TTLL11: variants seen among roughly 807,000 people sequenced by gnomAD.
TTLL11 encodes the protein tubulin polyglutamylase TTLL11.
In TTLL11, 42 loss-of-function variants were observed where a neutral mutation model predicts 51.7. The observed-to-expected ratio is 0.81, with a 90% CI of 0.64 to 1.05. The LOEUF is 1.05. Among genes scored for constraint, TTLL11 ranks in the 50% least tolerant of loss-of-function variants. The pLI, the probability that TTLL11 is intolerant of heterozygous loss-of-function variation, is 0.00. For synonymous variants in TTLL11, 381 were observed against 383.5 expected (o/e 0.99, Z 0.08); for missense variants, 799 against 940.4 (o/e 0.85, Z 1.97).
At chr9:121,956,309 T>C (rs1355568383) in intron 6 of TTLL11, among the ~76,000 whole-genome samples, 6 of 152,234 alleles carry the variant, frequency 3.9e-5, no homozygotes. Flanking sequence ...GATGGTGTGA[T>C]TGTTCCCTAA....
At chr9:121,828,782 T>C (rs751017103) in intron 8 of TTLL11, among the ~76,000 whole-genome samples, 1 of 152,078 alleles carries the variant, frequency 6.6e-6, no homozygotes, top group African/African-American at 2.4e-5. Flanking sequence ...AGTTTAGTAA[T>C]TGACTTCATG....
In TTLL11 at chr9:121,870,739, C is replaced by T. The variant is rs16911064; in HGVS notation, c.1491G>A (p.Gln497=). Residue 497 remains glutamine, a synonymous_variant, in exon 7 of 9, where the codon CAG becomes CAA. Transcript: ENST00000321582. ...LKKKRENQSQ[Q]LEKPFAGKED... is the part of the protein sequence containing the mutation. ...CCTTTCCAGCGAATGGTTTTTCAAG[C>T]TGCTGAGACCTGAAGCACACAAAGA... is the stretch of plus-strand genomic sequence containing the variant. The T allele has an allele frequency of 3.4e-3, 5,214 of 1,544,876 alleles. 120 individuals carry two copies. In the African/African-American group the frequency reaches 0.061, roughly 18 times the overall value.
intron 6 of TTLL11, among the ~76,000 whole-genome samples, chr9:121,955,173 G>A (rs193044712): frequency 2.2e-4 from 33 of 152,260 alleles, no homozygotes; most frequent in Admixed American, 1.9e-3. Context: ...TATTTAATAC[G>A]AGCACCGTTG....
In TTLL11 at chr9:121,816,687, TC is replaced by T. The variant is rs1206734504; in HGVS notation, c.*5899del. ...GTGTGCGTGTGTGCATGCGTGTGCA[TC>T]GTGTGTGCGTGCGTGTGTGTGCATG... On this transcript the variant is annotated 3_prime_UTR_variant, in exon 9 of 9. Coordinates refer to ENST00000321582, the MANE Select transcript of TTLL11 (RefSeq NM_001139442.2). 6 of 149,292 alleles carry T rather than the reference TC, an allele frequency of 4.0e-5. No individual in the cohort carries two copies. The East Asian group carries it at 1.2e-3, about 30-fold the overall frequency. The allele number at this position is 149,292 out of a possible 1,614,324, so 9.2% of individuals were successfully genotyped here. A position where few individuals can be genotyped will look rare whatever the true frequency, so the allele number is the denominator to read the frequency against.
chr9:121,986,068 C>T (rs929093546), intron 4 of TTLL11, among the ~76,000 whole-genome samples: 1 of 152,180 alleles, frequency 6.6e-6, no homozygotes, highest in East Asian at 1.9e-4. Flanking sequence ...GGCGTCTCCC[C>T]CCATGCTCCT....
intron 6 of TTLL11, chr9:121,963,550 A>G (rs1391244749): frequency 6.6e-6 from 1 of 152,236 alleles, no homozygotes; most frequent in Non-Finnish European, 1.5e-5. Flanking sequence ...CTGACTGGCC[A>G]TATGCTCATC....
chr9:121,881,751 G>A lies in TTLL11; in HGVS notation c.1482-11003C>T, dbSNP rs1838802693. Among the ~76,000 whole-genome samples the A allele has an allele frequency of 3.3e-5, 5 of 152,208 alleles. No individual in the cohort carries two copies. The South Asian group carries it at 1.0e-3, about 32-fold the overall frequency. ...CCACAGACCTTTCTCAGACAAGGGT[G>A]TCCTGACCTTGCATTTGTATTTGGT... On this transcript the variant is annotated intron_variant, in intron 6 of 8. Coordinates refer to ENST00000321582, the MANE Select transcript of TTLL11 (RefSeq NM_001139442.2).
intron 3 of TTLL11, among the ~76,000 whole-genome samples, chr9:122,004,256 C>T (rs1300213678): frequency 6.6e-6 from 1 of 152,164 alleles, no homozygotes; most frequent in African/African-American, 2.4e-5. Flanking sequence ...GAAGCCCTTT[C>T]TGGAAGATGC....
At chr9:121,943,814 G>C (rs1052400855) in intron 6 of TTLL11, among the ~76,000 whole-genome samples, 10 of 152,042 alleles carry the variant, frequency 6.6e-5, no homozygotes, top group African/African-American at 2.4e-4. Flanking sequence ...TCCAGGCTTC[G>C]TGGGAATAGA....
chr9:121,914,591 A>G (rs1840254324), intron 6 of TTLL11, among the ~76,000 whole-genome samples: 1 of 152,166 alleles, frequency 6.6e-6, no homozygotes, highest in South Asian at 2.1e-4. Flanking sequence ...CCCTCCATAT[A>G]GATCACTCAG....
At chr9:121,965,466 G>A (rs981184440) in intron 6 of TTLL11, among the ~76,000 whole-genome samples, 3 of 152,176 alleles carry the variant, frequency 2.0e-5, no homozygotes, top group East Asian at 1.9e-4. Context: ...TCGTTATCAC[G>A]AGAACAGCAT....
intron 2 of TTLL11, among the ~76,000 whole-genome samples, chr9:122,036,243 C>T (rs1481613746): frequency 2.0e-5 from 3 of 151,856 alleles, no homozygotes; most frequent in Non-Finnish European, 4.4e-5. Context: ...GATGGCTGTC[C>T]CCACAGGTTC....
chr9:122,000,579 G>C (rs1843429733), intron 3 of TTLL11, among the ~76,000 whole-genome samples: 1 of 151,414 alleles, frequency 6.6e-6, no homozygotes, highest in African/African-American at 2.4e-5. Flanking sequence ...GTGACCTCTG[G>C]TCATCCTCAC....
chr9:122,054,367 T>G (rs1845239341), intron 1 of TTLL11, among the ~76,000 whole-genome samples: 1 of 152,156 alleles, frequency 6.6e-6, no homozygotes, highest in Non-Finnish European at 1.5e-5. Context: ...TCTCCTCCAG[T>G]TATTTATTCT....
chr9:121,998,021 G>A lies in TTLL11; in HGVS notation c.694-8251C>T, dbSNP rs184979659. Among the ~76,000 whole-genome samples, 31 of 152,296 alleles carry A rather than the reference G, an allele frequency of 2.0e-4. 1 individual carries two copies. Among genetic ancestry groups the A allele is most frequent in the Admixed American group, 1.9e-3 (29 of 15,302 alleles). On this transcript the variant is annotated intron_variant, in intron 3 of 8. Transcript: ENST00000321582. ...AGAGCCCAGAAGACATCACAGCTGA[G>A]CCTGCCTGGAACATAACACTCCACT...
chr9:122,026,709 A>G (rs1250229291), intron 3 of TTLL11, among the ~76,000 whole-genome samples: 4 of 152,120 alleles, frequency 2.6e-5, no homozygotes, highest in Admixed American at 2.6e-4. Flanking sequence ...TAGTAATTAA[A>G]AAGGAAAAAA....
rs371363534 is a variant in TTLL11, at chr9:121,841,489, G to A, written c.1841-18610C>T. Among the ~76,000 whole-genome samples the A allele has an allele frequency of 9.2e-5, 14 of 152,276 alleles. No homozygotes were observed. In the East Asian group the frequency reaches 1.2e-3, roughly 13 times the overall value. ...CCTCCCTTCGCAGATGTGATCAGTG[G>A]GGAAGTGTGGGCAGAGACTCCCACC... On this transcript the variant is annotated intron_variant, in intron 8 of 8. Transcript: ENST00000321582.
At chr9:122,070,343 A>G (rs1319951284) in intron 1 of TTLL11, among the ~76,000 whole-genome samples, 1 of 152,148 alleles carries the variant, frequency 6.6e-6, no homozygotes, top group African/African-American at 2.4e-5. Flanking sequence ...AGGCCACAGC[A>G]CAACAGGGGG....
chr9:121,834,181 T>A (rs371572106), intron 8 of TTLL11, among the ~76,000 whole-genome samples: 315 of 152,316 alleles, frequency 2.1e-3, no homozygotes, highest in African/African-American at 7.3e-3. Flanking sequence ...AATCTCAGCC[T>A]TCTCTCCATT....
Sources: allele counts gnomAD v4.1 joint callset (sites outside exome capture counted in the v4.1 genomes callset), GRCh38; gene constraint gnomAD v4.1.1; transcripts MANE v1.5; gene names NCBI Gene and HGNC (gene_info 2026-07-23, HGNC 2026-07-21).